Variants in NKAIN3 observed in about 807,000 individuals in gnomAD.
NKAIN3 encodes the protein sodium/potassium-transporting ATPase subunit beta-1-interacting protein 3.
Under a neutral mutation model 30.2 loss-of-function variants are expected in NKAIN3, and 25 were observed. The ratio of observed to expected loss-of-function variants is 0.83; its 90% CI spans 0.60 to 1.16. NKAIN3 has a LOEUF of 1.16. NKAIN3 is among the 50% of genes most tolerant of loss of function. The pLI is 0.00. For synonymous variants in NKAIN3, 91 were observed against 89.6 expected (o/e 1.02, Z -0.09); for missense variants, 225 against 254.1 (o/e 0.89, Z 0.78).
rs138744872 is a variant in NKAIN3, at chr8:62,460,178, C to T, written c.55-119361C>T. Among the ~76,000 whole-genome samples, 343 of 130,600 alleles carry T rather than the reference C, an allele frequency of 2.6e-3. 2 individuals are homozygous for T. Among genetic ancestry groups the T allele is most frequent in the Middle Eastern group, 7.4e-3 (2 of 272 alleles). The allele number at this position is 130,600 out of a possible 152,430, so 85.7% of individuals were successfully genotyped here. ...CTACAATCCCAGCACTTTGGGAGGC[C>T]GAGGCAGTGGATCATCTGAGGTCAG... On this transcript the variant is annotated intron_variant, in intron 1 of 6. Coordinates refer to ENST00000623646, the MANE Select transcript of NKAIN3 (RefSeq NM_001304533.3).
Position 62,973,792 on chromosome 8 carries a change from CT to C in NKAIN3, c.*8388del, listed in dbSNP as rs1823885480. ...AGGTTTTCTTCTAGGGTTTTAATGGCTTTGGGTTTTACATTTAAGTTTTTAA... is the reference window on the plus strand; with the variant it reads ...AGGTTTTCTTCTAGGGTTTTAATGGCTTGGGTTTTACATTTAAGTTTTTAA... On this transcript the variant is annotated 3_prime_UTR_variant, in exon 7 of 7. Coordinates refer to ENST00000623646, the MANE Select transcript of NKAIN3 (RefSeq NM_001304533.3). 6.6e-6 allele frequency among the ~76,000 whole-genome samples: 1 copy of C among 151,942 alleles called. No homozygotes were observed. Among genetic ancestry groups the C allele is most frequent in the Admixed American group, 6.6e-5 (1 of 15,226 alleles).
chr8:62,609,028 C>T (rs1382686338), intron 3 of NKAIN3, among the ~76,000 whole-genome samples: 1 of 151,866 alleles, frequency 6.6e-6, no homozygotes, highest in Non-Finnish European at 1.5e-5. Context: ...TTGTTGCAAA[C>T]ATCAGGAAAT....
intron 5 of NKAIN3, among the ~76,000 whole-genome samples, chr8:62,931,797 T>C (rs1469378485): frequency 6.6e-6 from 1 of 152,186 alleles, no homozygotes; most frequent in East Asian, 1.9e-4. Flanking sequence ...TTTTGGTTGG[T>C]TTAATAATTG....
intron 4 of NKAIN3, among the ~76,000 whole-genome samples, chr8:62,828,116 A>G (rs1819080495): frequency 1.3e-5 from 2 of 152,194 alleles, no homozygotes; most frequent in Admixed American, 6.5e-5. Flanking sequence ...ATTGCTATCT[A>G]TTGATATATG....
At chr8:62,455,050 A>G (rs1805770602) in intron 1 of NKAIN3, among the ~76,000 whole-genome samples, 1 of 152,244 alleles carries the variant, frequency 6.6e-6, no homozygotes, top group Non-Finnish European at 1.5e-5. Context: ...TCAGGAAAAT[A>G]CAGCAAAAGC....
At chr8:62,667,252 C>A (rs554735216) in intron 3 of NKAIN3, among the ~76,000 whole-genome samples, 3 of 149,014 alleles carry the variant, frequency 2.0e-5, no homozygotes, top group Non-Finnish European at 4.4e-5. Flanking sequence ...ACATATGTAA[C>A]AAACCTGCAC....
At chr8:62,530,628 ATTAT>A (rs934380168) in intron 1 of NKAIN3, among the ~76,000 whole-genome samples, 4 of 151,642 alleles carry the variant, frequency 2.6e-5, no homozygotes, top group East Asian at 1.9e-4. Context: ...GTATTTATTT[ATTAT>A]TTATTTATTT....
At chr8:62,594,049 C>G (rs1810741176) in intron 3 of NKAIN3, among the ~76,000 whole-genome samples, 1 of 151,924 alleles carries the variant, frequency 6.6e-6, no homozygotes, top group Non-Finnish European at 1.5e-5. Flanking sequence ...TTAATTACCT[C>G]TGGGGCTAGC....
chr8:62,422,311 A>G (rs1804666233), intron 1 of NKAIN3, among the ~76,000 whole-genome samples: 1 of 152,108 alleles, frequency 6.6e-6, no homozygotes, highest in South Asian at 2.1e-4. Context: ...GTTTGAATAA[A>G]CAACATTTTA....
intron 1 of NKAIN3, among the ~76,000 whole-genome samples, chr8:62,251,210 C>T (rs1003008171): frequency 6.6e-6 from 1 of 152,048 alleles, no homozygotes; most frequent in African/African-American, 2.4e-5. Flanking sequence ...AACAGTTTTT[C>T]CATAATCAAG....
At chr8:62,947,172 G>T (rs1274731577) in intron 5 of NKAIN3, among the ~76,000 whole-genome samples, 1 of 152,126 alleles carries the variant, frequency 6.6e-6, no homozygotes, top group Admixed American at 6.5e-5. Flanking sequence ...AGTTTTATAA[G>T]ATTATAAAAG....
At chr8:62,570,511 C>T (rs1410745070) in intron 1 of NKAIN3, among the ~76,000 whole-genome samples, 6 of 152,024 alleles carry the variant, frequency 3.9e-5, no homozygotes, top group Non-Finnish European at 5.9e-5. Context: ...AGGCACATCT[C>T]GCATGGCAGC....
At chr8:62,282,254 T>A (rs1465391153) in intron 1 of NKAIN3, among the ~76,000 whole-genome samples, 4 of 152,146 alleles carry the variant, frequency 2.6e-5, no homozygotes, top group African/African-American at 4.8e-5. Context: ...CTGCACCATT[T>A]ACTAAAAGTG....
intron 4 of NKAIN3, among the ~76,000 whole-genome samples, chr8:62,775,003 G>A (rs1817143610): frequency 6.6e-6 from 1 of 152,082 alleles, no homozygotes; most frequent in Admixed American, 6.5e-5. Flanking sequence ...TAAATGGTTG[G>A]TAAAATTCAG....
At chr8:62,707,020 C>T (rs942858342) in intron 3 of NKAIN3, among the ~76,000 whole-genome samples, 1 of 151,328 alleles carries the variant, frequency 6.6e-6, no homozygotes, top group Admixed American at 6.6e-5. Context: ...TAATTCATCC[C>T]TTTTTATGGC....
chr8:62,728,762 G>A (rs1181193304), intron 3 of NKAIN3, among the ~76,000 whole-genome samples: 1 of 151,832 alleles, frequency 6.6e-6, no homozygotes, highest in Non-Finnish European at 1.5e-5. Context: ...AGGCTGAGGC[G>A]GTCGGATCAC....
At chr8:62,598,331 C>G (rs1162761206) in intron 3 of NKAIN3, among the ~76,000 whole-genome samples, 1 of 151,970 alleles carries the variant, frequency 6.6e-6, no homozygotes, top group Non-Finnish European at 1.5e-5. Context: ...AAAGCTGCCC[C>G]CTGTGGGTGT....
At chr8:62,621,516 A>T (rs2130230965) in intron 3 of NKAIN3, among the ~76,000 whole-genome samples, 1 of 152,186 alleles carries the variant, frequency 6.6e-6, no homozygotes, top group South Asian at 2.1e-4. Flanking sequence ...CTTTCTTTAA[A>T]TGTTTCATTA....
chr8:62,830,166 G>C (rs1203703507), intron 4 of NKAIN3, among the ~76,000 whole-genome samples: 1 of 152,088 alleles, frequency 6.6e-6, no homozygotes, highest in Non-Finnish European at 1.5e-5. Flanking sequence ...AAAATTTCTA[G>C]GTACATTTTC....
Sources: allele counts gnomAD v4.1 joint callset (sites outside exome capture counted in the v4.1 genomes callset), GRCh38; gene constraint gnomAD v4.1.1; transcripts MANE v1.5; gene names NCBI Gene and HGNC (gene_info 2026-07-23, HGNC 2026-07-21).